DNAH12: variants seen among roughly 807,000 people sequenced by gnomAD.
DNAH12 encodes axonemal beta dynein heavy chain 12.
DNAH12 carries 285 observed loss-of-function variants against 371.5 expected under a neutral mutation model. That is an observed-to-expected ratio of 0.77 (90% CI 0.70 to 0.85). The LOEUF (loss-of-function observed/expected upper bound fraction) is 0.85, where lower values mean the gene tolerates loss of function less well. DNAH12 is among the 40% of genes least tolerant of loss of function. DNAH12 has a pLI of 0.00. For missense variants in DNAH12, 3,611 were observed against 3,689.4 expected (o/e 0.98, Z 0.55); for synonymous variants, 1,200 against 1,213.0 (o/e 0.99, Z 0.22).
At chr3:57,555,722 T>A in the DNAH12 span, among the ~76,000 whole-genome samples, 4 of 152,266 alleles carry the variant, frequency 2.6e-5, no homozygotes, top group Non-Finnish European at 5.9e-5. Context: ...GTTTCTCGCA[T>A]AGTCTGCGCT....
chr3:57,484,383 AT>A (rs953942427), intron 12 of DNAH12, among the ~76,000 whole-genome samples: 2 of 152,096 alleles, frequency 1.3e-5, no homozygotes, highest in African/African-American at 4.8e-5. Flanking sequence ...ATTTCATGGA[AT>A]TTTTTCCTGT....
chr3:57,382,415 C>G (rs2063411813), intron 49 of DNAH12, 22 bp from the exon 50 acceptor site: 1 of 151,748 alleles, frequency 6.6e-6, no homozygotes, highest in Non-Finnish European at 1.5e-5. Flanking sequence ...AAACAAAAAA[C>G]AAACAGGACA....
Position 57,394,526 on chromosome 3 carries a change from TC to T in DNAH12, c.6949-195del, listed in dbSNP as rs1271328659. The stretch of plus-strand genomic sequence containing the variant: ...TGGGAGATCCAAACTGGTCAGAGTT[TC>T]CCCAAAACCCTAGACATAATCACTG... On this transcript the variant is annotated intron_variant, in intron 43 of 73. Coordinates refer to ENST00000495027, the MANE Select transcript of DNAH12 (RefSeq NM_001366028.2). Among the ~76,000 whole-genome samples, 13 of 152,264 alleles carry T rather than the reference TC, an allele frequency of 8.5e-5. No homozygotes were observed. In the East Asian group the frequency reaches 2.3e-3, roughly 27 times the overall value.
In DNAH12 at chr3:57,449,990, G is replaced by A. The variant is rs544141631; in HGVS notation, c.3786+2853C>T. ...CGGGTGGGCACAGTGGCTCACACCCGTAATCCCAACACTTTGGGAGGCATA... is the reference window on the plus strand; with the variant it reads ...CGGGTGGGCACAGTGGCTCACACCCATAATCCCAACACTTTGGGAGGCATA... On this transcript the variant is annotated intron_variant, in intron 25 of 73. Coordinates refer to ENST00000495027, the MANE Select transcript of DNAH12 (RefSeq NM_001366028.2). Among the ~76,000 whole-genome samples, 85 of 152,326 alleles carry A rather than the reference G, an allele frequency of 5.6e-4. 1 individual carries two copies. Among genetic ancestry groups the A allele is most frequent in the African/African-American group, 1.8e-3 (74 of 41,576 alleles).
chr3:57,519,964 T>C, intron 4 of DNAH12: 1 of 862,782 alleles, frequency 1.2e-6, no homozygotes, highest in Non-Finnish European at 2.0e-6. Context: ...GCTCCTGGAG[T>C]GAGAGGTCAG....
chr3:57,487,253 T>C (rs899077775), intron 12 of DNAH12, among the ~76,000 whole-genome samples: 5 of 127,984 alleles, frequency 3.9e-5, no homozygotes, highest in Middle Eastern at 5.4e-3. Context: ...CTAGGCAACA[T>C]GGCAAGACCT....
chr3:57,303,294 T>G (rs2061400436), intron 69 of DNAH12, among the ~76,000 whole-genome samples: 1 of 146,272 alleles, frequency 6.8e-6, no homozygotes, highest in Non-Finnish European at 1.5e-5. Flanking sequence ...AGCCCAGATC[T>G]TGCCACTGCA....
intron 11 of DNAH12, among the ~76,000 whole-genome samples, chr3:57,490,808 G>A (rs2153385826): frequency 6.6e-6 from 1 of 152,126 alleles, no homozygotes; most frequent in East Asian, 1.9e-4. Flanking sequence ...CACCAAATAG[G>A]CCAGGCGTGG....
chr3:57,376,845 T>A (rs1484383401), intron 53 of DNAH12, 136 bp downstream of exon 53: 3 of 152,184 alleles, frequency 2.0e-5, no homozygotes, highest in African/African-American at 7.2e-5. Context: ...TGGAGAAGCC[T>A]GGCCAGGTGT....
chr3:57,387,175 T>C lies in DNAH12; in HGVS notation c.7350A>G (p.Leu2450=). 6.6e-6 allele frequency: 1 copy of C among 152,298 alleles called. No homozygotes were observed. Among genetic ancestry groups the C allele is most frequent in the East Asian group, 1.9e-4 (1 of 5,180 alleles). The allele number at this position is 152,298 out of a possible 1,614,324, so 9.4% of individuals were successfully genotyped here. The change falls in exon 46 of 74, where the codon TTA becomes TTG. Residue 2450 remains leucine (L), a synonymous_variant. Transcript: ENST00000495027. ...CAACCTCAGTAAGCTCCAGTGTTTC[T>C]AAGAATTTCACAGCTACACGTTCAA... is the stretch of plus-strand genomic sequence containing the variant. ...DALERVAVKF[L]ETLELTEVEQ...
chr3:57,311,595 A>C (rs1316396836), intron 66 of DNAH12, among the ~76,000 whole-genome samples: 1 of 152,220 alleles, frequency 6.6e-6, no homozygotes, highest in African/African-American at 2.4e-5. Flanking sequence ...GAGATAACTT[A>C]GATGGTCACA....
At chr3:57,488,381 A>G (rs2067006163) in intron 12 of DNAH12, among the ~76,000 whole-genome samples, 1 of 151,926 alleles carries the variant, frequency 6.6e-6, no homozygotes, top group African/African-American at 2.4e-5. Context: ...TTTAGTAGAG[A>G]CGGGGTTTCA....
rs1279875012 is a variant in DNAH12, at chr3:57,295,579, C to T, written c.11638G>A (p.Glu3880Lys). 6.5e-7 allele frequency: 1 copy of T among 1,543,864 alleles called. No individual in the cohort carries two copies. The highest frequency in any genetic ancestry group is 2.0e-5 in the Admixed American group (1 of 49,814). The change falls in exon 73 of 74, where the codon GAA becomes AAA. Residue 3880 changes from glutamate (E) to lysine (K), a missense_variant. Glu to Lys is a moderately conservative substitution (Grantham distance 56). Coordinates refer to ENST00000495027, the MANE Select transcript of DNAH12 (RefSeq NM_001366028.2). ...TCAAACAGAAGTTTGGGATATTGTT[C>T]AGCAAGCAATCCACTGTAACGAGAA... Reference protein sequence around the residue: ...RWDRESGLLAEQYPKLLFDLM... With the variant: ...RWDRESGLLAKQYPKLLFDLM...
At position 57,408,330 on chromosome 3, in the gene DNAH12, G is replaced by A; in HGVS notation, c.6226C>T (p.Pro2076Ser). The change falls in exon 40 of 74, where the codon CCT (proline) becomes TCT (serine). Residue 2076 changes from proline (P) to serine (S), a missense_variant. Pro to Ser is a moderately conservative substitution (Grantham distance 74). Around this residue, in one of 3 missense-constraint regions of DNAH12, gnomAD observed 2,266 missense variants for 2,236.9 expected, o/e 1.01. Transcript: ENST00000495027. Reference protein sequence around the residue: ...VAFYLRTHEFPPEYFVIGNQI... With the variant: ...VAFYLRTHEFSPEYFVIGNQI... ...TTCCCAATTACAAAGTACTCTGGAGGAAATTCATGAGTTCTAAGGTAGAAT... is the reference window on the plus strand; with the variant it reads ...TTCCCAATTACAAAGTACTCTGGAGAAAATTCATGAGTTCTAAGGTAGAAT... 6.4e-7 allele frequency: 1 copy of A among 1,551,366 alleles called. No individual in the cohort carries two copies. Among genetic ancestry groups the A allele is most frequent in the South Asian group, 1.2e-5 (1 of 83,978 alleles).
intron 4 of DNAH12, among the ~76,000 whole-genome samples, chr3:57,513,171 G>A (rs2068061290): frequency 6.6e-6 from 1 of 151,830 alleles, no homozygotes; most frequent in South Asian, 2.1e-4. Flanking sequence ...TATACACCAT[G>A]GAATACTACA....
chr3:57,328,452 A>G (rs1429179565), intron 62 of DNAH12, among the ~76,000 whole-genome samples: 1 of 142,424 alleles, frequency 7.0e-6, no homozygotes, highest in Non-Finnish European at 1.5e-5. Context: ...AGAACCAAAG[A>G]CAAAAACCAC....
At position 57,446,106 on chromosome 3, in the gene DNAH12, G is replaced by T. The variant is rs1422127834; in HGVS notation, c.4104C>A (p.Leu1368=). The T allele has an allele frequency of 1.3e-6, 2 of 1,551,678 alleles. No individual in the cohort carries two copies. The highest frequency in any genetic ancestry group is 1.7e-6 in the Non-Finnish European group (2 of 1,146,986). Residue 1368 remains leucine, a synonymous_variant, in exon 27 of 74, where the codon CTC becomes CTA. Transcript: ENST00000495027. ...VFVFEGTELK[L]NPNCFVAITM... is the part of the protein sequence containing the mutation. ...TAATAGCTACAAAACAATTCGGATT[G>T]AGCTTAAGTTCTGTCCCTTCAAAAA...
rs148782752 is a variant in DNAH12 at position 57,342,147 on chromosome 3, T to C, written c.9675-7207A>G. Among the ~76,000 whole-genome samples, 803 of 152,250 alleles carry C rather than the reference T, an allele frequency of 5.3e-3. 9 individuals carry two copies. Among genetic ancestry groups the C allele is most frequent in the African/African-American group, 0.019 (780 of 41,536 alleles). On this transcript the variant is annotated intron_variant, in intron 60 of 73. Coordinates refer to ENST00000495027, the MANE Select transcript of DNAH12 (RefSeq NM_001366028.2). ...CTCTTCAAGACCTAAATGTAAAACCTGAAGCTATAAAACTACTAGAAGAAA... is the reference window on the plus strand; with the variant it reads ...CTCTTCAAGACCTAAATGTAAAACCCGAAGCTATAAAACTACTAGAAGAAA...
intron 38 of DNAH12, among the ~76,000 whole-genome samples, chr3:57,414,823 G>A (rs1414424579): frequency 6.6e-6 from 1 of 152,136 alleles, no homozygotes; most frequent in Non-Finnish European, 1.5e-5. Flanking sequence ...GTTCAGTGAA[G>A]AACATAGACT....
Sources: allele counts gnomAD v4.1 joint callset (sites outside exome capture counted in the v4.1 genomes callset), GRCh38; gene constraint gnomAD v4.1.1; regional missense constraint gnomAD v4.1.1; transcripts MANE v1.5; gene names NCBI Gene and HGNC (gene_info 2026-07-23, HGNC 2026-07-21).